The following QKI variants were observed in gnomAD, a reference collection of about 807,000 sequenced individuals.
The protein encoded by QKI is QKI, KH domain containing RNA binding, also known as KH domain-containing RNA-binding protein QKI.
A neutral mutation model predicts 39.0 loss-of-function variants in QKI; 10 were observed. That is an observed-to-expected ratio of 0.26 (90% CI 0.16 to 0.43). QKI has a LOEUF of 0.43. QKI is among the 20% of genes least tolerant of loss of function. The pLI is 1.00. For missense variants in QKI, 218 were observed against 428.0 expected (o/e 0.51, Z 4.33); for synonymous variants, 204 against 155.4 (o/e 1.31, Z -2.33).
At chr6:163,530,395 T>G (rs1217372305) in intron 3 of QKI, among the ~76,000 whole-genome samples, 1 of 152,234 alleles carries the variant, frequency 6.6e-6, no homozygotes, top group East Asian at 1.9e-4. Context: ...AACCATCCTA[T>G]AATTGCATCT....
chr6:163,570,242 C>T, intron 7 of QKI: 2 of 980,908 alleles, frequency 2.0e-6, no homozygotes, highest in Non-Finnish European at 2.4e-6. Flanking sequence ...TTAATAATCA[C>T]ATCCATCATT....
intron 3 of QKI, among the ~76,000 whole-genome samples, chr6:163,524,081 T>C (rs1562511641): frequency 1.3e-5 from 2 of 152,204 alleles, no homozygotes; most frequent in Non-Finnish European, 2.9e-5. Context: ...TGTGTACTGC[T>C]TGTGACATAC....
At chr6:163,568,955 C>T in intron 7 of QKI, 1 of 986,030 alleles carries the variant, frequency 1.0e-6, no homozygotes, top group Non-Finnish European at 1.2e-6. Flanking sequence ...AATGGTCACT[C>T]ACTTCGTTTA....
intron 1 of QKI, among the ~76,000 whole-genome samples, chr6:163,419,508 T>C (rs546284254): frequency 6.6e-5 from 10 of 152,270 alleles, no homozygotes; most frequent in African/African-American, 1.4e-4. Context: ...AACTAAGATA[T>C]TGCTTTTGTA....
intron 3 of QKI, among the ~76,000 whole-genome samples, chr6:163,508,636 T>G (rs942778145): frequency 6.6e-6 from 1 of 151,262 alleles, no homozygotes; most frequent in African/African-American, 2.4e-5. Flanking sequence ...CTCAAGCAAT[T>G]CCCCTGCCTC....
chr6:163,422,470 G>GT (rs2128207908), intron 1 of QKI, among the ~76,000 whole-genome samples: 1 of 152,278 alleles, frequency 6.6e-6, no homozygotes, highest in East Asian at 1.9e-4. Context: ...GTGTGTGCCT[G>GT]TAGTCCCAGC....
At chr6:163,560,132 G>C (rs1260638414) in intron 4 of QKI, among the ~76,000 whole-genome samples, 1 of 152,080 alleles carries the variant, frequency 6.6e-6, no homozygotes, top group Non-Finnish European at 1.5e-5. Flanking sequence ...AAGTAACTTG[G>C]GGGTGGCCGT....
intron 4 of QKI, among the ~76,000 whole-genome samples, chr6:163,548,437 A>G (rs1011586794): frequency 6.6e-6 from 1 of 152,170 alleles, no homozygotes; most frequent in Non-Finnish European, 1.5e-5. Context: ...AAATCACCTC[A>G]TTAGGTTGCT....
intron 4 of QKI, among the ~76,000 whole-genome samples, chr6:163,545,393 C>T (rs1254598386): frequency 6.6e-6 from 1 of 152,116 alleles, no homozygotes; most frequent in African/African-American, 2.4e-5. Flanking sequence ...ACATTCCATA[C>T]AGACAGATTA....
intron 3 of QKI, among the ~76,000 whole-genome samples, chr6:163,516,216 C>A (rs1199771314): frequency 6.6e-6 from 1 of 152,096 alleles, no homozygotes; most frequent in Non-Finnish European, 1.5e-5. Flanking sequence ...ATACATTGTA[C>A]CCCTCAGTGT....
chr6:163,569,248 T>C, intron 7 of QKI: 1 of 973,540 alleles, frequency 1.0e-6, no homozygotes, highest in Non-Finnish European at 1.2e-6. Flanking sequence ...AGATACAGTA[T>C]TTTTGTAGTA....
Position 163,536,060 on chromosome 6 carries a change from A to C in QKI, c.546+935A>C, listed in dbSNP as rs536334930. Among the ~76,000 whole-genome samples the C allele has an allele frequency of 7.2e-5, 11 of 152,322 alleles. 1 individual carries two copies. The South Asian group carries it at 2.3e-3, about 32-fold the overall frequency. On this transcript the variant is annotated intron_variant, in intron 4 of 7. Coordinates refer to ENST00000361752, the MANE Select transcript of QKI (RefSeq NM_006775.3). ...AGATAGCCTATTCTTTATTACCCTG[A>C]TAGTTTATTCAACAAGTAAACTCAC...
intron 2 of QKI, among the ~76,000 whole-genome samples, chr6:163,457,020 A>T (rs1035016886): frequency 1.4e-4 from 22 of 152,218 alleles, no homozygotes; most frequent in African/African-American, 5.1e-4. Context: ...AGCCTACCCT[A>T]GGTATTAGGA....
chr6:163,484,380 T>C (rs553422750), intron 3 of QKI, among the ~76,000 whole-genome samples: 17 of 152,212 alleles, frequency 1.1e-4, no homozygotes, highest in Admixed American at 1.0e-3. Flanking sequence ...TTTGTATTTT[T>C]AGTAGAGATG....
chr6:163,452,689 A>G (rs1196109859), intron 1 of QKI, among the ~76,000 whole-genome samples: 2 of 152,168 alleles, frequency 1.3e-5, no homozygotes, highest in Admixed American at 1.3e-4. Flanking sequence ...CTAACCAGAT[A>G]GATGCTTATA....
intron 6 of QKI, chr6:163,566,200 G>A: frequency 7.5e-7 from 1 of 1,324,562 alleles, no homozygotes. Flanking sequence ...ACTGCTAAGT[G>A]TACTATACTG....
intron 1 of QKI, among the ~76,000 whole-genome samples, chr6:163,433,094 C>A (rs1342798847): frequency 6.6e-6 from 1 of 152,156 alleles, no homozygotes; most frequent in South Asian, 2.1e-4. Context: ...GTAAAAGGCA[C>A]AAGAGGCTTC....
chr6:163,555,509 C>CAAAAAAAAAAAAAAAAAAAAAA lies in QKI; in HGVS notation c.547-6452_547-6451insAAAAAAAAAAAAAAAAAAAAAA, dbSNP rs55958646. On this transcript the variant is annotated intron_variant, in intron 4 of 7. Coordinates refer to ENST00000361752, the MANE Select transcript of QKI (RefSeq NM_006775.3). ...CTAGCGACAGAGCGAAACTCCAGCT[C>CAAAAAAAAAAAAAAAAAAAAAA]AAAAAAAAAAAAAAAAAAAAAGCCT... Among the ~76,000 whole-genome samples, 4 of 79,392 alleles carry CAAAAAAAAAAAAAAAAAAAAAA rather than the reference C, an allele frequency of 5.0e-5. 2 individuals carry two copies. The highest frequency in any genetic ancestry group is 9.1e-5 in the Non-Finnish European group (4 of 44,062). 52.1% of individuals were successfully genotyped at this position (79,392 alleles called of 152,430 possible).
intron 3 of QKI, among the ~76,000 whole-genome samples, chr6:163,501,790 T>G (rs140144936): frequency 6.6e-6 from 1 of 152,232 alleles, no homozygotes; most frequent in African/African-American, 2.4e-5. Context: ...TTCTACACTT[T>G]CTTTCCACCA....
Sources: allele counts gnomAD v4.1 joint callset (sites outside exome capture counted in the v4.1 genomes callset), GRCh38; gene constraint gnomAD v4.1.1; transcripts MANE v1.5; gene names NCBI Gene and HGNC (gene_info 2026-07-23, HGNC 2026-07-21).